Variants in KIAA0319 observed in about 807,000 individuals in gnomAD.
KIAA0319 encodes dyslexia-associated protein KIAA0319.
KIAA0319 carries 83 observed loss-of-function variants against 108.4 expected under a neutral mutation model. The observed-to-expected ratio is 0.77, with a 90% CI of 0.64 to 0.92. The LOEUF is 0.92. Ranked by LOEUF, KIAA0319 falls within the 40% of genes least tolerant of loss-of-function variation. KIAA0319 has a pLI of 0.00. For missense variants in KIAA0319, 1,195 were observed against 1,322.4 expected (o/e 0.90, Z 1.49); for synonymous variants, 484 against 510.4 (o/e 0.95, Z 0.70).
chr6:24,619,743 T>C (rs895415847), intron 1 of KIAA0319, among the ~76,000 whole-genome samples: 10 of 152,194 alleles, frequency 6.6e-5, no homozygotes, highest in Non-Finnish European at 1.5e-4. Flanking sequence ...TCCATGAATA[T>C]GTCTCACCTA....
intron 14 of KIAA0319, among the ~76,000 whole-genome samples, chr6:24,565,770 A>C (rs1338538682): frequency 6.6e-6 from 1 of 151,782 alleles, no homozygotes; most frequent in Non-Finnish European, 1.5e-5. Context: ...AAAAAAAAAA[A>C]AAAAGAACAA....
chr6:24,598,103 C>A (rs915661663), intron 2 of KIAA0319: 18 of 436,410 alleles, frequency 4.1e-5, no homozygotes, highest in African/African-American at 3.4e-4. Context: ...TGGCCTGGTG[C>A]CAGCATCAGC....
chr6:24,606,380 C>T (rs1010132218), intron 1 of KIAA0319, among the ~76,000 whole-genome samples: 4 of 152,090 alleles, frequency 2.6e-5, no homozygotes, highest in Non-Finnish European at 4.4e-5. Context: ...CTTTGGGTGA[C>T]GGTGATGACA....
chr6:24,581,970 C>T (rs1322405230), intron 6 of KIAA0319, among the ~76,000 whole-genome samples: 2 of 152,120 alleles, frequency 1.3e-5, no homozygotes, highest in African/African-American at 4.8e-5. Flanking sequence ...ATGGCGAAAC[C>T]CCACCTCTAC....
chr6:24,541,619 G>A (rs1406257233), downstream of KIAA0319, among the ~76,000 whole-genome samples: 1 of 152,158 alleles, frequency 6.6e-6, no homozygotes, highest in Admixed American at 6.5e-5. Context: ...CCAACATGGC[G>A]AAACTCCATT....
intron 1 of KIAA0319, among the ~76,000 whole-genome samples, chr6:24,607,433 T>G (rs187682508): frequency 1.4e-3 from 209 of 144,510 alleles, no homozygotes; most frequent in African/African-American, 2.4e-3. Flanking sequence ...TGTTTTTCGG[T>G]TTTTTTTTTT....
rs918501741 is a variant in KIAA0319 at position 24,546,537 on chromosome 6, C to T, written c.*628G>A. 6.6e-6 allele frequency: 1 copy of T among 152,272 alleles called. No individual in the cohort carries two copies. Among genetic ancestry groups the T allele is most frequent in the African/African-American group, 2.4e-5 (1 of 41,442 alleles). 9.4% of individuals were successfully genotyped at this position (152,272 alleles called of 1,614,324 possible). ...CTCAGTCCTTAGAATACGATTCTTC[C>T]TTAGCTCTTGAATGGCCAACAGCTG... On this transcript the variant is annotated 3_prime_UTR_variant, in exon 21 of 21. Transcript: ENST00000378214.
At chr6:24,612,047 CAAAAA>C (rs35491702) in intron 1 of KIAA0319, among the ~76,000 whole-genome samples, 1 of 132,942 alleles carries the variant, frequency 7.5e-6, no homozygotes, top group African/African-American at 2.7e-5. Flanking sequence ...GACTTTGTTT[CAAAAA>C]AAAAAAAAAG....
chr6:24,629,141 T>G (rs1172958912), intron 1 of KIAA0319, among the ~76,000 whole-genome samples: 1 of 152,154 alleles, frequency 6.6e-6, no homozygotes, highest in Non-Finnish European at 1.5e-5. Flanking sequence ...ATCTACCTTA[T>G]AGTGAGACAA....
rs534826882 is a variant in KIAA0319 at position 24,577,936 on chromosome 6, T to C, written c.1505+174A>G. 4.6e-5 allele frequency among the ~76,000 whole-genome samples: 7 copies of C among 152,308 alleles called. No homozygotes were observed. The South Asian group carries it at 1.5e-3, about 32-fold the overall frequency. ...ATTTTACTCCAATAAATAAATAAAG[T>C]TCCTATTAATTGATGAGGATATCAG... On this transcript the variant is annotated intron_variant, in intron 9 of 20. Transcript: ENST00000378214.
At position 24,544,479 on chromosome 6, in the gene KIAA0319, C is replaced by T. The variant is rs138961477; in HGVS notation, c.*2686G>A. On this transcript the variant is annotated 3_prime_UTR_variant, in exon 21 of 21. Transcript: ENST00000378214. ...AATAGTCCATGATAGCTTTGTCACA[C>T]AAAAAACAATGGTAGTCACTCTCCT... 2 of 152,226 alleles carry T rather than the reference C, an allele frequency of 1.3e-5. No individual in the cohort carries two copies. Among genetic ancestry groups the T allele is most frequent in the African/African-American group, 4.8e-5 (2 of 41,538 alleles). The allele number at this position is 152,226 out of a possible 1,614,324, so 9.4% of individuals were successfully genotyped here.
In KIAA0319 at chr6:24,599,148, CA is replaced by C. The variant is rs1436829632; in HGVS notation, c.55+1900del. On this transcript the variant is annotated intron_variant, in intron 2 of 20. Transcript: ENST00000378214. The surrounding 1 kb of genome is among the most constrained non-coding windows in gnomAD (Gnocchi z 4.1). The stretch of plus-strand genomic sequence containing the variant: ...CAGCATCATTGCTGAGGTCAAGGCC[CA>C]GTACAAGGAGATCACCAACTGTAGC... The C allele has an allele frequency of 1.6e-6, 1 of 613,666 alleles. No homozygotes were observed. The highest frequency in any genetic ancestry group is 2.9e-6 in the Non-Finnish European group (1 of 339,382). The allele number at this position is 613,666 out of a possible 1,614,324, so 38.0% of individuals were successfully genotyped here.
rs60291863 is a variant in KIAA0319, at chr6:24,595,546, C to CAAAAAAAA, written c.801+319_801+326dup. On this transcript the variant is annotated intron_variant, in intron 3 of 20. Transcript: ENST00000378214. ...TGGGCGACAGAGCGAGATTCAATCT[C>CAAAAAAAA]AAAAAAAAAAAAAAAAAAAAAAAAC... is the stretch of plus-strand genomic sequence containing the variant. Among the ~76,000 whole-genome samples the CAAAAAAAA allele has an allele frequency of 4.9e-4, 21 of 43,250 alleles. 1 individual carries two copies. The highest frequency in any genetic ancestry group is 1.1e-3 in the South Asian group (1 of 894). The allele number at this position is 43,250 out of a possible 152,430, so 28.4% of individuals were successfully genotyped here.
At position 24,566,552 on chromosome 6, in the gene KIAA0319, A is replaced by C. The variant is rs759792302; in HGVS notation, c.2292+45T>G. 2.6e-6 allele frequency: 4 copies of C among 1,536,260 alleles called. No individual in the cohort carries two copies. The African/African-American group carries it at 4.1e-5, about 16-fold the overall frequency. On this transcript the variant is annotated intron_variant, in intron 14 of 20. Coordinates refer to ENST00000378214, the MANE Select transcript of KIAA0319 (RefSeq NM_014809.4). ...TTGCAGCCCAAGCTGACTAATGCAG[A>C]TGTAATGATAAGTGGTCTAGGAGCA...
chr6:24,599,483 G>A lies in KIAA0319; in HGVS notation c.55+1566C>T. 1.8e-6 allele frequency: 1 copy of A among 562,580 alleles called. No homozygotes were observed. The allele number at this position is 562,580 out of a possible 1,614,324, so 34.8% of individuals were successfully genotyped here. A position where few individuals can be genotyped will look rare whatever the true frequency, so the allele number is the denominator to read the frequency against. On this transcript the variant is annotated intron_variant, in intron 2 of 20. Coordinates refer to ENST00000378214, the MANE Select transcript of KIAA0319 (RefSeq NM_014809.4). The surrounding 1 kb of genome is among the most constrained non-coding windows in gnomAD (Gnocchi z 4.1). ...GGCAGCTGCATGAGTACCAGGAGCTGATGATCATCAAGCCAACCCTGGACA... is the reference window on the plus strand; with the variant it reads ...GGCAGCTGCATGAGTACCAGGAGCTAATGATCATCAAGCCAACCCTGGACA...
chr6:24,627,998 A>C (rs912534655), intron 1 of KIAA0319, among the ~76,000 whole-genome samples: 1 of 152,234 alleles, frequency 6.6e-6, no homozygotes, highest in Non-Finnish European at 1.5e-5. Flanking sequence ...AAATGAACTG[A>C]GTAATTGTGC....
chr6:24,597,297 T>G (rs1769800686), intron 2 of KIAA0319, among the ~76,000 whole-genome samples: 1 of 152,188 alleles, frequency 6.6e-6, no homozygotes, highest in Admixed American at 6.5e-5. Flanking sequence ...TAATGGTGGA[T>G]AAATTGACAG....
chr6:24,631,569 T>C (rs6903205), intron 1 of KIAA0319, among the ~76,000 whole-genome samples: 107,076 of 151,986 alleles, frequency 0.7, 38,293 homozygotes, highest in East Asian at 0.87. Context: ...CCACAGTTTT[T>C]TACTCCTGGA....
intron 5 of KIAA0319, chr6:24,583,159 T>C: frequency 3.0e-6 from 3 of 986,666 alleles, no homozygotes; most frequent in Non-Finnish European, 3.6e-6. Context: ...TTTGAATAAA[T>C]TTTTTTGAGC....
Sources: allele counts gnomAD v4.1 joint callset (sites outside exome capture counted in the v4.1 genomes callset), GRCh38; gene constraint gnomAD v4.1.1; non-coding constraint Gnocchi (gnomAD v3.1); transcripts MANE v1.5; gene names NCBI Gene and HGNC (gene_info 2026-07-23, HGNC 2026-07-21).